TSHR: variants seen among roughly 807,000 people sequenced by gnomAD.
The protein encoded by TSHR is thyroid stimulating hormone receptor, also known as thyrotropin receptor.
Under a neutral mutation model 64.1 loss-of-function variants are expected in TSHR, and 51 were observed. The observed-to-expected ratio is 0.80, with a 90% CI of 0.64 to 1.01. The LOEUF (loss-of-function observed/expected upper bound fraction) is 1.01, where lower values mean the gene tolerates loss of function less well. TSHR is among the 50% of genes least tolerant of loss of function. TSHR has a pLI of 0.00. For missense variants in TSHR, 877 were observed against 942.8 expected, an observed-to-expected ratio of 0.93 and a Z score of 0.91; for synonymous variants, 361 against 361.9, an observed-to-expected ratio of 1.00 and a Z score of 0.03.
At chr14:80,983,167 C>CA in intron 1 of TSHR, 1 of 997,176 alleles carries the variant, frequency 1.0e-6, no homozygotes, top group Non-Finnish European at 1.5e-6. Flanking sequence ...ACTCTGAATC[C>CA]TCCTTCTGGG....
intron 3 of TSHR, among the ~76,000 whole-genome samples, chr14:81,075,195 C>T (rs972479968): frequency 6.6e-6 from 1 of 152,242 alleles, no homozygotes; most frequent in East Asian, 1.9e-4. Context: ...ACCAATCTAG[C>T]TGCTTCTATA....
At chr14:81,105,050 T>C in intron 7 of TSHR, 1 of 985,398 alleles carries the variant, frequency 1.0e-6, no homozygotes, top group Non-Finnish European at 1.2e-6. Context: ...TTTAAGCTAC[T>C]TTATGTTCAT....
intron 6 of TSHR, 72 bp downstream of exon 6, chr14:81,092,680 C>A: frequency 1.5e-6 from 2 of 1,378,876 alleles, no homozygotes; most frequent in South Asian, 1.2e-5. Context: ...GTTTACAGAC[C>A]ATCCAAGAGC....
intron 1 of TSHR, among the ~76,000 whole-genome samples, chr14:81,035,700 GGT>G: frequency 6.6e-6 from 1 of 152,168 alleles, no homozygotes; most frequent in Middle Eastern, 3.4e-3. Flanking sequence ...AGAGGAAATG[GGT>G]AATGCTTGTG....
intron 8 of TSHR, among the ~76,000 whole-genome samples, chr14:81,115,798 C>G (rs1890476224): frequency 6.6e-6 from 1 of 152,006 alleles, no homozygotes. Flanking sequence ...GGGTTACCCT[C>G]AAAGGGAAGC....
intron 1 of TSHR, chr14:80,991,827 G>A: frequency 2.7e-6 from 1 of 368,784 alleles, no homozygotes; most frequent in Non-Finnish European, 4.8e-6. Flanking sequence ...TGGAGGGATT[G>A]TCTCTTGATG....
At chr14:81,012,301 T>C (rs1414959550) in intron 1 of TSHR, 3 of 151,312 alleles carry the variant, frequency 2.0e-5, no homozygotes, top group Non-Finnish European at 4.4e-5. Flanking sequence ...TAGTATTCCA[T>C]GGTGTATATG....
chr14:81,092,561 A>G lies in TSHR; in HGVS notation c.498A>G (p.Ser166=). The change falls in exon 6 of 10, where the codon TCA becomes TCG. Residue 166 remains serine, a synonymous_variant. Transcript: ENST00000298171. ...LEITDNPYMT[S]IPVNAFQGLC... ...TTACAGACAACCCTTACATGACGTC[A>G]ATCCCTGTGAATGCTTTTCAGGGAC... is the stretch of plus-strand genomic sequence containing the variant. 6.2e-7 allele frequency: 1 copy of G among 1,614,142 alleles called. No homozygotes were observed. Among genetic ancestry groups the G allele is most frequent in the Non-Finnish European group, 8.5e-7 (1 of 1,179,996 alleles).
chr14:81,100,961 C>T (rs1688694404), intron 7 of TSHR, among the ~76,000 whole-genome samples: 1 of 152,194 alleles, frequency 6.6e-6, no homozygotes, highest in African/African-American at 2.4e-5. Context: ...GCCCCTGTCT[C>T]CTACCTGAAG....
At chr14:81,121,692 AG>A (rs1197498513) in intron 8 of TSHR, among the ~76,000 whole-genome samples, 2 of 152,172 alleles carry the variant, frequency 1.3e-5, no homozygotes, top group African/African-American at 4.8e-5. Flanking sequence ...CTGTAATCCC[AG>A]CACTCTGGAA....
chr14:81,068,557 A>G, intron 3 of TSHR: 2 of 510,002 alleles, frequency 3.9e-6, no homozygotes, highest in Non-Finnish European at 7.2e-6. Context: ...CTGTTCTTGA[A>G]CCACTATCTG....
At chr14:81,138,303 G>A (rs762392923) in intron 8 of TSHR, among the ~76,000 whole-genome samples, 6 of 148,826 alleles carry the variant, frequency 4.0e-5, no homozygotes, top group African/African-American at 1.0e-4. Flanking sequence ...TGATTCTCCC[G>A]CCTCAGCCTC....
intron 1 of TSHR, chr14:80,982,327 G>A: frequency 5.9e-6 from 7 of 1,185,756 alleles, no homozygotes; most frequent in Non-Finnish European, 8.3e-6. Flanking sequence ...GGTCTGGGCT[G>A]AGGAAGAGGC....
At chr14:81,127,187 G>C (rs1891052509) in intron 8 of TSHR, among the ~76,000 whole-genome samples, 1 of 152,206 alleles carries the variant, frequency 6.6e-6, no homozygotes, top group African/African-American at 2.4e-5. Context: ...TTCTTCCCAA[G>C]TAAATGTGGA....
At chr14:81,104,436 G>A in intron 7 of TSHR, 1 of 985,392 alleles carries the variant, frequency 1.0e-6, no homozygotes, top group Non-Finnish European at 1.2e-6. Context: ...AAACTCCCCA[G>A]AGAGCCAAGT....
At chr14:81,043,597 T>C (rs186276686) in intron 1 of TSHR, among the ~76,000 whole-genome samples, 43 of 152,260 alleles carry the variant, frequency 2.8e-4, no homozygotes, top group Admixed American at 1.8e-3. Flanking sequence ...TTAAAATTAA[T>C]ATGAAACCAA....
At chr14:81,095,204 A>T (rs917582553) in intron 6 of TSHR, among the ~76,000 whole-genome samples, 1 of 152,130 alleles carries the variant, frequency 6.6e-6, no homozygotes, top group African/African-American at 2.4e-5. Context: ...ATTCCCATAT[A>T]GCCCAGAGGT....
intron 1 of TSHR, chr14:81,032,486 T>C: frequency 2.8e-6 from 1 of 354,260 alleles, no homozygotes; most frequent in South Asian, 3.0e-5. Flanking sequence ...ACAAGGGAGT[T>C]GTCAGAGTTT....
intron 7 of TSHR, among the ~76,000 whole-genome samples, chr14:81,102,175 G>GAAAA (rs78406514): frequency 8.5e-6 from 1 of 117,628 alleles, no homozygotes; most frequent in Admixed American, 8.9e-5. Context: ...CCATCTCAGG[G>GAAAA]AAAAAAAAAA....
Sources: allele counts gnomAD v4.1 joint callset (sites outside exome capture counted in the v4.1 genomes callset), GRCh38; gene constraint gnomAD v4.1.1; transcripts MANE v1.5; gene names NCBI Gene and HGNC (gene_info 2026-07-23, HGNC 2026-07-21).